The following PALLD variants were observed in gnomAD, a reference collection of about 807,000 sequenced individuals.
PALLD encodes palladin.
In PALLD, 61 loss-of-function variants were observed where a neutral mutation model predicts 123.5. The observed-to-expected ratio is 0.49, with a 90% CI of 0.40 to 0.61. The LOEUF (loss-of-function observed/expected upper bound fraction) is 0.61. Among genes scored for constraint, PALLD ranks in the 20% least tolerant of loss-of-function variants. PALLD has a pLI of 0.00. For missense variants in PALLD, 1,273 were observed against 1,377.0 expected (o/e 0.92, Z 1.20); for synonymous variants, 465 against 496.4 (o/e 0.94, Z 0.84).
At chr4:168,534,261 A>G (rs750071714) in intron 2 of PALLD, among the ~76,000 whole-genome samples, 20 of 152,234 alleles carry the variant, frequency 1.3e-4, no homozygotes, top group Non-Finnish European at 2.2e-4. Flanking sequence ...CACAGAGGTG[A>G]GACCAAAGCC....
intron 10 of PALLD, among the ~76,000 whole-genome samples, chr4:168,830,279 G>A (rs947015292): frequency 4.0e-5 from 6 of 149,198 alleles, no homozygotes; most frequent in Admixed American, 1.3e-4. Flanking sequence ...CGGTGGTCAC[G>A]CCTGGGAGGC....
At chr4:168,829,569 GA>G (rs1321934225) in intron 10 of PALLD, among the ~76,000 whole-genome samples, 3 of 150,952 alleles carry the variant, frequency 2.0e-5, no homozygotes, top group Non-Finnish European at 2.9e-5. Context: ...TGGAAATAAG[GA>G]AGCTTCAGAG....
chr4:168,821,712 C>A (rs1370955482), intron 10 of PALLD, among the ~76,000 whole-genome samples: 1 of 151,432 alleles, frequency 6.6e-6, no homozygotes, highest in African/African-American at 2.4e-5. Flanking sequence ...CTCGTCTCTA[C>A]TAAAAAAAAA....
At chr4:168,771,132 G>T (rs1372431743) in intron 10 of PALLD, among the ~76,000 whole-genome samples, 1 of 151,300 alleles carries the variant, frequency 6.6e-6, no homozygotes, top group Non-Finnish European at 1.5e-5. Flanking sequence ...TCCTCCAAAG[G>T]TCTCAATGTT....
rs559969354 is a variant in PALLD, at chr4:168,556,167, C to T, written c.908+43755C>T. On this transcript the variant is annotated intron_variant, in intron 2 of 21. Coordinates refer to ENST00000505667, the MANE Select transcript of PALLD (RefSeq NM_001166108.2). ...CTGGAGTGCAGTGGCGCAATCTCGGCTCACTGCAGGCTCCGCCCCCCGGGT... is the reference window on the plus strand; with the variant it reads ...CTGGAGTGCAGTGGCGCAATCTCGGTTCACTGCAGGCTCCGCCCCCCGGGT... 4.0e-3 allele frequency among the ~76,000 whole-genome samples: 614 copies of T among 152,152 alleles called. 6 individuals carry two copies. The highest frequency in any genetic ancestry group is 5.2e-3 in the Non-Finnish European group (352 of 67,984).
At chr4:168,845,078 G>T (rs1260315377) in intron 10 of PALLD, among the ~76,000 whole-genome samples, 1 of 152,050 alleles carries the variant, frequency 6.6e-6, no homozygotes, top group Non-Finnish European at 1.5e-5. Flanking sequence ...GGAGGGCTGT[G>T]TGTCCGGAGG....
intron 2 of PALLD, 103 bp from the exon 3 acceptor site, chr4:168,668,087 C>A: frequency 2.2e-6 from 2 of 890,426 alleles, no homozygotes; most frequent in Non-Finnish European, 3.8e-6. Flanking sequence ...ATCAAACAAA[C>A]ATCATTTTGC....
chr4:168,870,462 G>A (rs754235196), intron 10 of PALLD, among the ~76,000 whole-genome samples: 39 of 152,222 alleles, frequency 2.6e-4, no homozygotes, highest in Admixed American at 1.5e-3. Flanking sequence ...TCTGCCTCTC[G>A]AATGCCTTTA....
intron 10 of PALLD, among the ~76,000 whole-genome samples, chr4:168,726,792 A>G (rs1226353473): frequency 6.6e-6 from 1 of 152,044 alleles, no homozygotes. Context: ...TATAGGGGAT[A>G]CATGTGCAGG....
chr4:168,686,023 T>C (rs2710823), intron 6 of PALLD, among the ~76,000 whole-genome samples: 1 of 152,072 alleles, frequency 6.6e-6, no homozygotes, highest in Admixed American at 6.6e-5. Flanking sequence ...TTTTCCTTTT[T>C]CCTTCCTTTT....
intron 10 of PALLD, among the ~76,000 whole-genome samples, chr4:168,753,206 C>G (rs564049845): frequency 6.6e-6 from 1 of 152,280 alleles, no homozygotes; most frequent in East Asian, 1.9e-4. Flanking sequence ...CTAATCCCCA[C>G]CTTACATGCC....
chr4:168,521,504 T>C (rs1763560200), intron 2 of PALLD, among the ~76,000 whole-genome samples: 1 of 152,224 alleles, frequency 6.6e-6, no homozygotes, highest in South Asian at 2.1e-4. Flanking sequence ...TTAATAAATA[T>C]TAATGTATTA....
At chr4:168,639,539 T>C (rs1776688931) in intron 2 of PALLD, among the ~76,000 whole-genome samples, 1 of 151,558 alleles carries the variant, frequency 6.6e-6, no homozygotes, top group African/African-American at 2.4e-5. Context: ...CTATTGGCCA[T>C]TCAACTTTTT....
intron 10 of PALLD, among the ~76,000 whole-genome samples, chr4:168,860,985 G>A (rs1290862832): frequency 6.6e-6 from 1 of 152,194 alleles, no homozygotes; most frequent in Non-Finnish European, 1.5e-5. Context: ...ATTTTGGTGT[G>A]AGGCCCCACA....
chr4:168,638,593 C>T (rs2149856108), intron 2 of PALLD, among the ~76,000 whole-genome samples: 1 of 152,324 alleles, frequency 6.6e-6, no homozygotes, highest in East Asian at 1.9e-4. Context: ...GCTCACAGTT[C>T]TGAAGGCTGA....
chr4:168,804,702 TTAAG>T (rs1215326836), intron 10 of PALLD, among the ~76,000 whole-genome samples: 2 of 152,238 alleles, frequency 1.3e-5, no homozygotes, highest in African/African-American at 4.8e-5. Flanking sequence ...TTGGCTTTAA[TTAAG>T]TAAATATTAT....
At position 168,869,944 on chromosome 4, in the gene PALLD, G is replaced by C. The variant is rs191778423; in HGVS notation, c.1965-20978G>C. 6.6e-6 allele frequency among the ~76,000 whole-genome samples: 1 copy of C among 152,296 alleles called. No homozygotes were observed. The highest frequency in any genetic ancestry group is 2.4e-5 in the African/African-American group (1 of 41,550). On this transcript the variant is annotated intron_variant, in intron 10 of 21. Coordinates refer to ENST00000505667, the MANE Select transcript of PALLD (RefSeq NM_001166108.2). The surrounding 1 kb of genome is among the most constrained non-coding windows in gnomAD (Gnocchi z 4.5). ...AAGGAAGTAAGGCACAGTCCCAGAAGTAAGAGAACAAGGAGAGTTGTTAGT... is the reference window on the plus strand; with the variant it reads ...AAGGAAGTAAGGCACAGTCCCAGAACTAAGAGAACAAGGAGAGTTGTTAGT...
chr4:168,793,315 G>A (rs1228711120), intron 10 of PALLD, among the ~76,000 whole-genome samples: 1 of 99,868 alleles, frequency 1.0e-5, no homozygotes, highest in Non-Finnish European at 2.0e-5. Flanking sequence ...ACATATATAT[G>A]TGTGCATATA....
At chr4:168,526,608 T>C (rs1764073849) in intron 2 of PALLD, among the ~76,000 whole-genome samples, 1 of 152,198 alleles carries the variant, frequency 6.6e-6, no homozygotes, top group African/African-American at 2.4e-5. Flanking sequence ...ACAATTTAGT[T>C]TTCCTTTCAT....
Sources: gnomAD v4.1 joint callset for allele counts (sites outside exome capture counted in the v4.1 genomes callset) on GRCh38, gnomAD v4.1.1 for gene constraint, Gnocchi (gnomAD v3.1) non-coding constraint, MANE v1.5 for transcripts, NCBI Gene and HGNC (gene_info 2026-07-23, HGNC 2026-07-21) for gene names.